Variants in DENND1A observed in about 807,000 individuals in gnomAD.
DENND1A encodes the protein DENN domain-containing protein 1A.
Under a neutral mutation model 113.7 loss-of-function variants are expected in DENND1A, and 51 were observed. The observed-to-expected ratio is 0.45, with a 90% confidence interval of 0.36 to 0.57. The LOEUF (loss-of-function observed/expected upper bound fraction) is 0.57, where lower values mean the gene tolerates loss of function less well. Ranked by LOEUF, DENND1A falls within the 20% of genes least tolerant of loss-of-function variation. DENND1A has a pLI of 0.00. For missense variants in DENND1A, 1,258 were observed against 1,395.9 expected, an observed-to-expected ratio of 0.90 and a Z score of 1.57; for synonymous variants, 565 against 570.8, an observed-to-expected ratio of 0.99 and a Z score of 0.14.
intron 5 of DENND1A, among the ~76,000 whole-genome samples, chr9:123,749,556 A>G (rs2069823800): frequency 6.6e-6 from 1 of 152,226 alleles, no homozygotes; most frequent in Non-Finnish European, 1.5e-5. Context: ...TAAGATTGCT[A>G]TAAAAATAAA....
chr9:123,771,788 A>G (rs534442189), intron 3 of DENND1A, among the ~76,000 whole-genome samples: 11 of 152,140 alleles, frequency 7.2e-5, no homozygotes, highest in Non-Finnish European at 1.5e-4. Flanking sequence ...AAAATACCCA[A>G]TGTAGGCTGA....
intron 9 of DENND1A, among the ~76,000 whole-genome samples, chr9:123,646,316 G>A (rs1350358636): frequency 6.6e-6 from 1 of 152,114 alleles, no homozygotes; most frequent in Non-Finnish European, 1.5e-5. Context: ...AGGAGAGAAT[G>A]AGACCAGAGG....
chr9:123,585,953 T>C (rs1235404436), intron 11 of DENND1A, among the ~76,000 whole-genome samples: 3 of 152,112 alleles, frequency 2.0e-5, no homozygotes, highest in Non-Finnish European at 4.4e-5. Context: ...TACTACTTTT[T>C]AATACACACA....
At chr9:123,626,718 G>A (rs1564840623) in intron 10 of DENND1A, among the ~76,000 whole-genome samples, 1 of 152,194 alleles carries the variant, frequency 6.6e-6, no homozygotes. Context: ...AAGAGAGTTG[G>A]CTCAGAAGCT....
chr9:123,810,798 AC>A (rs1409979511), intron 2 of DENND1A, among the ~76,000 whole-genome samples: 1 of 142,654 alleles, frequency 7.0e-6, no homozygotes, highest in Non-Finnish European at 1.5e-5. Flanking sequence ...CGCTCTTGTC[AC>A]CCAGGCTGGA....
intron 5 of DENND1A, among the ~76,000 whole-genome samples, chr9:123,755,800 A>G (rs1329008275): frequency 6.6e-6 from 1 of 152,250 alleles, no homozygotes; most frequent in Non-Finnish European, 1.5e-5. Context: ...GTAAGAATAC[A>G]GTATATAAGA....
intron 1 of DENND1A, chr9:123,928,688 C>T (rs1043073783): frequency 4.1e-6 from 4 of 985,424 alleles, no homozygotes; most frequent in Non-Finnish European, 4.8e-6. Flanking sequence ...CCTAACCACA[C>T]GGGGGACTGC....
chr9:123,537,595 A>T (rs1286594299), intron 13 of DENND1A, among the ~76,000 whole-genome samples: 1 of 152,068 alleles, frequency 6.6e-6, no homozygotes, highest in East Asian at 1.9e-4. Flanking sequence ...GAACCAGAAC[A>T]ACTACCAAAG....
At chr9:123,866,485 A>ATATAG (rs1845811218) in intron 2 of DENND1A, among the ~76,000 whole-genome samples, 1 of 152,236 alleles carries the variant, frequency 6.6e-6, no homozygotes, top group Non-Finnish European at 1.5e-5. Context: ...TCAAGTTGTC[A>ATATAG]TATCTTTCAT....
intron 2 of DENND1A, among the ~76,000 whole-genome samples, chr9:123,871,047 C>T (rs1209721075): frequency 1.3e-5 from 2 of 152,094 alleles, no homozygotes; most frequent in Non-Finnish European, 2.9e-5. Context: ...GAGCTCCCCC[C>T]GCCATACCAC....
chr9:123,756,067 C>A (rs779327640), intron 5 of DENND1A, among the ~76,000 whole-genome samples: 23 of 152,186 alleles, frequency 1.5e-4, no homozygotes, highest in Non-Finnish European at 3.2e-4. Context: ...TGTGCCATCA[C>A]ACCCAGCTAA....
intron 13 of DENND1A, among the ~76,000 whole-genome samples, chr9:123,511,762 C>T (rs536633238): frequency 6.6e-6 from 1 of 152,336 alleles, no homozygotes; most frequent in South Asian, 2.1e-4. Flanking sequence ...GAGTGCCAAG[C>T]CAACAACAGC....
intron 2 of DENND1A, among the ~76,000 whole-genome samples, chr9:123,823,232 A>G (rs1838777122): frequency 6.6e-6 from 1 of 152,212 alleles, no homozygotes; most frequent in Non-Finnish European, 1.5e-5. Context: ...ATACTTAACA[A>G]AGAGATTCAA....
At chr9:123,755,453 A>AT (rs1453368540) in intron 5 of DENND1A, among the ~76,000 whole-genome samples, 4 of 147,174 alleles carry the variant, frequency 2.7e-5, no homozygotes, top group African/African-American at 1.0e-4. Context: ...CAATATGTGG[A>AT]TTTTTTTAAA....
intron 5 of DENND1A, among the ~76,000 whole-genome samples, chr9:123,742,679 G>A (rs2069127706): frequency 6.6e-6 from 1 of 152,134 alleles, no homozygotes; most frequent in African/African-American, 2.4e-5. Context: ...CTCAGTTTGT[G>A]AAAGCATAAA....
At chr9:123,631,532 G>A (rs761239730) in intron 9 of DENND1A, among the ~76,000 whole-genome samples, 12 of 152,088 alleles carry the variant, frequency 7.9e-5, no homozygotes, top group East Asian at 1.9e-4. Context: ...AAATAATTAC[G>A]TAGACAAATA....
At chr9:123,599,369 CA>C (rs2059842952) in intron 11 of DENND1A, among the ~76,000 whole-genome samples, 1 of 152,000 alleles carries the variant, frequency 6.6e-6, no homozygotes, top group Admixed American at 6.6e-5. Flanking sequence ...ATTAGTTTAG[CA>C]GGGGGGAAAA....
At position 123,454,764 on chromosome 9, in the gene DENND1A, T is replaced by C. The variant is rs1451190857; in HGVS notation, c.1202A>G (p.Tyr401Cys). Residue 401 changes from tyrosine (Y) to cysteine (C), a missense_variant, in exon 16 of 24, where the codon TAC becomes TGC. Physicochemically the swap from Tyr to Cys is radical, Grantham distance 194. Transcript: ENST00000394215. ...MGEYAGSDKL[Y>C]HQWLSTVRKG... is the part of the protein sequence containing the mutation. ...CCGGACAGTGGAGAGCCACTGATGG[T>C]ACAGTTTGTCACTGCCTGGGGAAAG... 6.4e-7 allele frequency: 1 copy of C among 1,554,840 alleles called. No homozygotes were observed. Among genetic ancestry groups the C allele is most frequent in the Non-Finnish European group, 8.7e-7 (1 of 1,148,546 alleles).
chr9:123,688,067 G>A (rs1005983649), intron 5 of DENND1A, among the ~76,000 whole-genome samples: 1 of 152,174 alleles, frequency 6.6e-6, no homozygotes, highest in Non-Finnish European at 1.5e-5. Flanking sequence ...CATTTATTCA[G>A]GAATTTACCA....
Sources: gnomAD v4.1 joint callset for allele counts (sites outside exome capture counted in the v4.1 genomes callset) on GRCh38, gnomAD v4.1.1 for gene constraint, MANE v1.5 for transcripts, NCBI Gene and HGNC (gene_info 2026-07-23, HGNC 2026-07-21) for gene names.